Variants in KCNAB1 observed in about 807,000 individuals in gnomAD.
KCNAB1 encodes voltage-gated potassium channel subunit beta-1.
KCNAB1 carries 35 observed loss-of-function variants against 64.6 expected under a neutral mutation model. The observed-to-expected ratio is 0.54, with a 90% CI of 0.41 to 0.72. The LOEUF (loss-of-function observed/expected upper bound fraction) is 0.72. Ranked by LOEUF, KCNAB1 falls within the 30% of genes least tolerant of loss-of-function variation. The pLI is 0.00. For missense variants in KCNAB1, 401 were observed against 512.9 expected, an observed-to-expected ratio of 0.78 and a Z score of 2.11; for synonymous variants, 177 against 183.8, an observed-to-expected ratio of 0.96 and a Z score of 0.30.
At chr3:156,241,208 TTTTCC>T (rs555518615) in intron 1 of KCNAB1, among the ~76,000 whole-genome samples, 246 of 152,304 alleles carry the variant, frequency 1.6e-3, no homozygotes, top group African/African-American at 5.8e-3. Context: ...CATGATTATG[TTTTCC>T]TTCTTTTTGT....
At chr3:156,473,317 G>C (rs558846535) in intron 7 of KCNAB1, among the ~76,000 whole-genome samples, 4 of 152,132 alleles carry the variant, frequency 2.6e-5, no homozygotes, top group Non-Finnish European at 4.4e-5. Context: ...GGGGTCCCTA[G>C]CATGCTAGAG....
At chr3:156,182,277 T>C (rs1712864921) in intron 1 of KCNAB1, among the ~76,000 whole-genome samples, 1 of 152,180 alleles carries the variant, frequency 6.6e-6, no homozygotes, top group African/African-American at 2.4e-5. Flanking sequence ...CTATTTTGTA[T>C]CTCATTTATG....
intron 1 of KCNAB1, among the ~76,000 whole-genome samples, chr3:156,357,323 C>G (rs1226744541): frequency 1.3e-5 from 2 of 152,100 alleles, no homozygotes; most frequent in Non-Finnish European, 2.9e-5. Flanking sequence ...TGGAAACTTT[C>G]AAGTGGGGAC....
chr3:156,500,020 A>T (rs1716286038), intron 8 of KCNAB1, among the ~76,000 whole-genome samples: 1 of 152,158 alleles, frequency 6.6e-6, no homozygotes, highest in African/African-American at 2.4e-5. Context: ...CCAGAGGAAG[A>T]CTGCATTACT....
At chr3:156,343,119 TA>T (rs1724252449) in intron 1 of KCNAB1, among the ~76,000 whole-genome samples, 2 of 152,236 alleles carry the variant, frequency 1.3e-5, no homozygotes, top group Non-Finnish European at 2.9e-5. Context: ...CCTTCCTGCA[TA>T]AAATGGATTT....
intron 1 of KCNAB1, among the ~76,000 whole-genome samples, chr3:156,166,133 C>A (rs528413064): frequency 1.3e-5 from 2 of 152,114 alleles, no homozygotes; most frequent in East Asian, 3.9e-4. Context: ...AAGTAATATG[C>A]CACGATACAC....
chr3:156,266,065 C>T (rs1163415015), intron 1 of KCNAB1, among the ~76,000 whole-genome samples: 2 of 152,068 alleles, frequency 1.3e-5, no homozygotes, highest in Non-Finnish European at 2.9e-5. Flanking sequence ...ACTGACCAAC[C>T]ACCTCCCCTT....
intron 1 of KCNAB1, among the ~76,000 whole-genome samples, chr3:156,164,945 G>A (rs751311539): frequency 5.9e-5 from 9 of 152,182 alleles, no homozygotes; most frequent in African/African-American, 7.2e-5. Context: ...TACTGGGGAT[G>A]ATGTCTAAAA....
chr3:156,316,977 A>G (rs1439332754), intron 1 of KCNAB1, among the ~76,000 whole-genome samples: 2 of 152,214 alleles, frequency 1.3e-5, no homozygotes, highest in Non-Finnish European at 2.9e-5. Context: ...GGACGATTAT[A>G]TGAGATAAGA....
chr3:156,530,805 A>AAAT (rs1718652930), intron 12 of KCNAB1, among the ~76,000 whole-genome samples: 1 of 152,148 alleles, frequency 6.6e-6, no homozygotes. Flanking sequence ...TAGAGTCTAC[A>AAAT]AGAGTTCCAA....
intron 1 of KCNAB1, among the ~76,000 whole-genome samples, chr3:156,419,288 G>C (rs2108222641): frequency 6.6e-6 from 1 of 152,196 alleles, no homozygotes; most frequent in South Asian, 2.1e-4. Context: ...GGATCACGAG[G>C]TCAGGAGATC....
rs199548370 is a variant in KCNAB1 at position 156,143,118 on chromosome 3, T to C, written c.275+22232T>C. ...ATAACCCAAGGTATTCACAGCAAGA[T>C]ACAGTGAGTCTTAAAGTTAAGCACC... On this transcript the variant is annotated intron_variant, in intron 1 of 13. Coordinates refer to ENST00000490337, the MANE Select transcript of KCNAB1 (RefSeq NM_172160.3). 2.1e-4 allele frequency: 319 copies of C among 1,501,088 alleles called. 1 individual carries two copies. The South Asian group carries it at 3.2e-3, about 15-fold the overall frequency. 93.0% of individuals were successfully genotyped at this position (1,501,088 alleles called of 1,614,324 possible).
intron 1 of KCNAB1, among the ~76,000 whole-genome samples, chr3:156,204,344 T>C (rs1714521845): frequency 6.6e-6 from 1 of 152,200 alleles, no homozygotes; most frequent in Non-Finnish European, 1.5e-5. Flanking sequence ...GCTCAGGGTC[T>C]CATTCACTAA....
intron 2 of KCNAB1, among the ~76,000 whole-genome samples, chr3:156,423,490 T>C (rs1333123701): frequency 6.6e-6 from 1 of 152,064 alleles, no homozygotes. Context: ...AATCATCAGC[T>C]GTTAGTGAGG....
At chr3:156,165,313 A>T (rs1272205761) in intron 1 of KCNAB1, among the ~76,000 whole-genome samples, 2 of 151,604 alleles carry the variant, frequency 1.3e-5, no homozygotes, top group East Asian at 3.8e-4. Flanking sequence ...AAAGAAAGCA[A>T]ATAAGTGAGC....
chr3:156,190,391 C>T (rs936067081), intron 1 of KCNAB1, among the ~76,000 whole-genome samples: 2 of 151,870 alleles, frequency 1.3e-5, no homozygotes, highest in African/African-American at 4.8e-5. Flanking sequence ...TGATATGTTC[C>T]TCATGACAGC....
intron 1 of KCNAB1, among the ~76,000 whole-genome samples, chr3:156,186,586 G>A (rs546579918): frequency 5.3e-5 from 8 of 152,174 alleles, no homozygotes; most frequent in African/African-American, 1.9e-4. Flanking sequence ...CTCTCTCCCA[G>A]TAGCTGCTGC....
intron 1 of KCNAB1, among the ~76,000 whole-genome samples, chr3:156,141,525 G>A (rs1714706875): frequency 6.6e-6 from 1 of 151,088 alleles, no homozygotes; most frequent in Admixed American, 6.6e-5. Context: ...CAACCTTTTG[G>A]TATTAGCTTT....
At chr3:156,222,197 G>C (rs1211163123) in intron 1 of KCNAB1, among the ~76,000 whole-genome samples, 1 of 151,964 alleles carries the variant, frequency 6.6e-6, no homozygotes, top group African/African-American at 2.4e-5. Context: ...TAACATATGA[G>C]GACTCACGTA....
Sources: allele counts gnomAD v4.1 joint callset (sites outside exome capture counted in the v4.1 genomes callset), GRCh38; gene constraint gnomAD v4.1.1; transcripts MANE v1.5; gene names NCBI Gene and HGNC (gene_info 2026-07-23, HGNC 2026-07-21).